Variants in KLHL8 observed in about 807,000 individuals in gnomAD.
KLHL8 encodes kelch-like protein 8.
KLHL8 carries 38 observed loss-of-function variants against 63.5 expected under a neutral mutation model. That is an observed-to-expected ratio of 0.60 (90% CI 0.46 to 0.78). KLHL8 has a LOEUF of 0.78. Among genes scored for constraint, KLHL8 ranks in the 30% least tolerant of loss-of-function variants. The probability of loss-of-function intolerance (pLI) is 0.00; values close to 1 mark genes in which losing one functional copy is unlikely to be tolerated. For synonymous variants in KLHL8, 224 were observed against 254.3 expected, an observed-to-expected ratio of 0.88 and a Z score of 1.13; for missense variants, 566 against 752.4, an observed-to-expected ratio of 0.75 and a Z score of 2.90.
intron 8 of KLHL8, among the ~76,000 whole-genome samples, chr4:87,168,344 T>C (rs1174584503): frequency 2.6e-5 from 4 of 152,048 alleles, no homozygotes; most frequent in Non-Finnish European, 5.9e-5. Flanking sequence ...AATTTTCTGA[T>C]TGTAGTAAAG....
intron 8 of KLHL8, among the ~76,000 whole-genome samples, chr4:87,169,828 G>A (rs1283229630): frequency 6.6e-6 from 1 of 150,858 alleles, no homozygotes; most frequent in East Asian, 2.0e-4. Context: ...TTGTGCCACC[G>A]CACTTCAGCC....
chr4:87,212,004 A>C (rs1340233924), intron 1 of KLHL8, among the ~76,000 whole-genome samples: 1 of 152,244 alleles, frequency 6.6e-6, no homozygotes, highest in South Asian at 2.1e-4. Flanking sequence ...CTGTCTGCTG[A>C]AAACTGTCCT....
chr4:87,174,491 C>T (rs1730746199), intron 6 of KLHL8, among the ~76,000 whole-genome samples: 1 of 152,078 alleles, frequency 6.6e-6, no homozygotes, highest in Non-Finnish European at 1.5e-5. Context: ...GTTGGCCAGG[C>T]TGGTCTCAAA....
chr4:87,229,072 T>G (rs1733086129), intron 1 of KLHL8, among the ~76,000 whole-genome samples: 1 of 152,248 alleles, frequency 6.6e-6, no homozygotes, highest in Non-Finnish European at 1.5e-5. Context: ...AGAAAAACTT[T>G]TAGCCTGTTT....
intron 1 of KLHL8, among the ~76,000 whole-genome samples, chr4:87,201,225 C>CT (rs1731906580): frequency 6.6e-6 from 1 of 152,168 alleles, no homozygotes; most frequent in Admixed American, 6.5e-5. Context: ...CACTAGTGTA[C>CT]TGTACACTTG....
intron 1 of KLHL8, among the ~76,000 whole-genome samples, chr4:87,226,173 A>C (rs936518254): frequency 6.6e-6 from 1 of 152,240 alleles, no homozygotes; most frequent in Admixed American, 6.5e-5. Flanking sequence ...TGTATGGTAG[A>C]AATTGGCACA....
intron 3 of KLHL8, among the ~76,000 whole-genome samples, chr4:87,183,797 T>C (rs1560698871): frequency 6.6e-6 from 1 of 152,258 alleles, no homozygotes; most frequent in Non-Finnish European, 1.5e-5. Flanking sequence ...TTCTTTTGCC[T>C]TTTTAAGCTA....
intron 6 of KLHL8, among the ~76,000 whole-genome samples, chr4:87,172,394 T>C (rs1730669145): frequency 6.6e-6 from 1 of 152,194 alleles, no homozygotes; most frequent in Non-Finnish European, 1.5e-5. Context: ...TGTGGGACCC[T>C]AAGTAGAAAG....
At chr4:87,208,141 C>T (rs533200302) in intron 1 of KLHL8, 10 of 421,354 alleles carry the variant, frequency 2.4e-5, no homozygotes, top group East Asian at 5.9e-5. Flanking sequence ...AGAGAGAGGT[C>T]GTCACTGCTG....
At chr4:87,207,908 G>T in intron 1 of KLHL8, 1 of 1,355,584 alleles carries the variant, frequency 7.4e-7, no homozygotes, top group African/African-American at 1.4e-5. Context: ...GGCATCCTGG[G>T]CTACACTGAG....
intron 1 of KLHL8, among the ~76,000 whole-genome samples, chr4:87,233,044 T>C (rs1733163441): frequency 6.6e-6 from 1 of 152,120 alleles, no homozygotes; most frequent in African/African-American, 2.4e-5. Flanking sequence ...GGTATCTTTT[T>C]ATTTTTCTTT....
At chr4:87,197,288 G>A (rs181620117) in intron 1 of KLHL8, among the ~76,000 whole-genome samples, 2 of 130,202 alleles carry the variant, frequency 1.5e-5, no homozygotes, top group Admixed American at 1.6e-4. Context: ...TGAGCAGACT[G>A]GAGTAAGAAG....
At chr4:87,171,743 C>T (rs1730642954) in intron 6 of KLHL8, among the ~76,000 whole-genome samples, 1 of 152,126 alleles carries the variant, frequency 6.6e-6, no homozygotes, top group African/African-American at 2.4e-5. Context: ...CGTTTTAGTC[C>T]ACTCCTACGT....
At chr4:87,209,581 T>C (rs145780798) in intron 1 of KLHL8, among the ~76,000 whole-genome samples, 145 of 152,308 alleles carry the variant, frequency 9.5e-4, no homozygotes, top group African/African-American at 3.4e-3. Context: ...ACAGGACTGA[T>C]AGCAAAAGCT....
intron 1 of KLHL8, among the ~76,000 whole-genome samples, chr4:87,199,807 A>C (rs1327113481): frequency 6.6e-6 from 1 of 150,418 alleles, no homozygotes; most frequent in South Asian, 2.1e-4. Flanking sequence ...AGCCTGGGCA[A>C]TACAGCAAGC....
intron 8 of KLHL8, chr4:87,167,320 C>G (rs927146025): frequency 2.2e-6 from 1 of 454,008 alleles, no homozygotes; most frequent in African/African-American, 2.0e-5. Flanking sequence ...AAGACCTGTT[C>G]CACCTCTGCC....
intron 6 of KLHL8, among the ~76,000 whole-genome samples, chr4:87,173,340 A>G (rs1480380326): frequency 6.6e-6 from 1 of 152,198 alleles, no homozygotes; most frequent in Admixed American, 6.5e-5. Flanking sequence ...GACACTGGCT[A>G]TGTTTTCTAC....
chr4:87,195,194 T>G lies in KLHL8; in HGVS notation c.216+130A>C, dbSNP rs192188116. The G allele has an allele frequency of 4.6e-4, 301 of 648,126 alleles. No individual in the cohort carries two copies. The African/African-American group carries it at 4.8e-3, about 10-fold the overall frequency. The allele number at this position is 648,126 out of a possible 1,614,324, so 40.1% of individuals were successfully genotyped here. The stretch of plus-strand genomic sequence containing the variant: ...TTTCTCCTACACTAAAAAAAAAGAT[T>G]GAGACTAAAAGCATTCTGACTGTAT... On this transcript the variant is annotated intron_variant, in intron 2 of 9. Coordinates refer to ENST00000273963, the MANE Select transcript of KLHL8 (RefSeq NM_020803.5).
At chr4:87,183,059 A>T in intron 4 of KLHL8, 144 bp downstream of exon 4, 1 of 524,000 alleles carries the variant, frequency 1.9e-6, no homozygotes, top group Non-Finnish European at 3.2e-6. Flanking sequence ...AGTAAAAATT[A>T]TAAATATATA....
Sources: allele counts gnomAD v4.1 joint callset (sites outside exome capture counted in the v4.1 genomes callset), GRCh38; gene constraint gnomAD v4.1.1; transcripts MANE v1.5; gene names NCBI Gene and HGNC (gene_info 2026-07-23, HGNC 2026-07-21).